LMF1: variants seen among roughly 807,000 people sequenced by gnomAD.
LMF1 encodes transmembrane protein 112.
Under a neutral mutation model 60.6 loss-of-function variants are expected in LMF1, and 68 were observed. The ratio of observed to expected loss-of-function variants is 1.12; its 90% confidence interval spans 0.92 to 1.37. The LOEUF is 1.37. Ranked by LOEUF, LMF1 falls within the 40% of genes most tolerant of loss-of-function variation. The probability of loss-of-function intolerance (pLI) is 0.00; values close to 1 mark genes in which losing one functional copy is unlikely to be tolerated. For synonymous variants in LMF1, 418 were observed against 324.7 expected (o/e 1.29, Z -3.09); for missense variants, 948 against 767.2 (o/e 1.24, Z -2.78).
At position 869,075 on chromosome 16, in the gene LMF1, C is replaced by T; in HGVS notation, c.1417-19G>A. ...CGTAGGTCTGGGAGGAGAGGTCGGG[C>T]TGGAGACGGCTGTGCCACTCGCTGT... On this transcript the variant is annotated intron_variant, in intron 9 of 10. Coordinates refer to ENST00000262301, the MANE Select transcript of LMF1 (RefSeq NM_022773.4). The T allele has an allele frequency of 6.6e-7, 1 of 1,518,804 alleles. No individual in the cohort carries two copies. Among genetic ancestry groups the T allele is most frequent in the Non-Finnish European group, 9.1e-7 (1 of 1,094,182 alleles). 94.1% of individuals were successfully genotyped at this position (1,518,804 alleles called of 1,614,324 possible).
chr16:924,524 G>T (rs569213272), intron 3 of LMF1, among the ~76,000 whole-genome samples: 1 of 152,130 alleles, frequency 6.6e-6, no homozygotes, highest in East Asian at 1.9e-4. Flanking sequence ...TGGCATTTTC[G>T]AAGCATTTCT....
chr16:924,815 G>A (rs942692215), intron 3 of LMF1, among the ~76,000 whole-genome samples: 2 of 152,240 alleles, frequency 1.3e-5, no homozygotes, highest in African/African-American at 4.8e-5. Context: ...TTAAAATTCT[G>A]ATAGATAAAA....
intron 4 of LMF1, among the ~76,000 whole-genome samples, chr16:906,659 G>A (rs563008171): frequency 3.9e-5 from 6 of 152,064 alleles, no homozygotes; most frequent in Non-Finnish European, 8.8e-5. Context: ...TCTGTCCCTC[G>A]AGGGAACCCT....
chr16:899,742 G>C (rs758222902), intron 4 of LMF1: 1 of 152,252 alleles, frequency 6.6e-6, no homozygotes. Context: ...GCAGGCTCGG[G>C]GGTGAAGCAT....
At chr16:979,118 A>G (rs1186914270) in intron 1 of LMF1, 1 of 453,386 alleles carries the variant, frequency 2.2e-6, no homozygotes, top group East Asian at 7.0e-5. Flanking sequence ...TGCCTGGCAC[A>G]CAGCAAGTGC....
At chr16:967,749 G>A (rs1234060821) in intron 1 of LMF1, among the ~76,000 whole-genome samples, 4 of 152,196 alleles carry the variant, frequency 2.6e-5, no homozygotes, top group Admixed American at 6.5e-5. Context: ...TCCAGGATAC[G>A]CAGGCTGCAC....
At chr16:917,184 G>T (rs2071301151) in intron 3 of LMF1, among the ~76,000 whole-genome samples, 1 of 152,234 alleles carries the variant, frequency 6.6e-6, no homozygotes, top group African/African-American at 2.4e-5. Context: ...TGGGGGACGG[G>T]TCACCACCAT....
chr16:964,502 G>C lies in LMF1; in HGVS notation c.193+6286C>G, dbSNP rs2151490135. ...GGATGTGCTGCAGAGCTCCGAAGTA[G>C]GGCAGTGCTGTTTGCTTTTTAAACA... On this transcript the variant is annotated intron_variant, in intron 1 of 10. Transcript: ENST00000262301. Among the ~76,000 whole-genome samples the C allele has an allele frequency of 2.6e-5, 4 of 152,266 alleles. 1 individual carries two copies. Among genetic ancestry groups the C allele is most frequent in the Admixed American group, 2.6e-4 (4 of 15,300 alleles).
chr16:975,009 G>A (rs1408252341), upstream of LMF1, among the ~76,000 whole-genome samples: 1 of 151,790 alleles, frequency 6.6e-6, no homozygotes, highest in Non-Finnish European at 1.5e-5. Flanking sequence ...TGACTGTCCA[G>A]CGGCCAACCC....
chr16:888,501 T>C (rs1333903754), intron 5 of LMF1, among the ~76,000 whole-genome samples: 2 of 151,672 alleles, frequency 1.3e-5, no homozygotes, highest in East Asian at 1.9e-4. Context: ...AAAACCCAAG[T>C]GGAGAGAGAG....
chr16:863,523 T>G (rs1225451572), intron 10 of LMF1, among the ~76,000 whole-genome samples: 1 of 152,250 alleles, frequency 6.6e-6, no homozygotes, highest in African/African-American at 2.4e-5. Context: ...TATTGGTCTT[T>G]TAAAAGAACC....
At chr16:967,662 G>A (rs775035595) in intron 1 of LMF1, among the ~76,000 whole-genome samples, 3 of 152,212 alleles carry the variant, frequency 2.0e-5, no homozygotes, top group Non-Finnish European at 4.4e-5. Context: ...AGGCATCCCC[G>A]ACCACCTCGG....
At chr16:977,778 T>C (rs1254839065) in intron 1 of LMF1, among the ~76,000 whole-genome samples, 1 of 151,822 alleles carries the variant, frequency 6.6e-6, no homozygotes, top group Admixed American at 6.6e-5. Context: ...GGCATTTCCC[T>C]GGGCAGCCCT....
chr16:867,514 C>A (rs1200642974), intron 10 of LMF1, among the ~76,000 whole-genome samples: 1 of 152,170 alleles, frequency 6.6e-6, no homozygotes, highest in Non-Finnish European at 1.5e-5. Flanking sequence ...CCGTATTGAG[C>A]CTCGAAGGAC....
intron 4 of LMF1, chr16:899,528 G>A (rs950933210): frequency 1.3e-5 from 2 of 152,212 alleles, no homozygotes; most frequent in African/African-American, 4.8e-5. Context: ...CAGGGAAACG[G>A]CAGCACATCT....
In LMF1 at chr16:870,840, A is replaced by T. The variant is rs778846872; in HGVS notation, c.1121T>A (p.Leu374Gln). Residue 374 changes from leucine to glutamine, a missense_variant, in exon 8 of 11, where the codon CTG becomes CAG. Transcript: ENST00000262301. ...CACGGGCACGCTGAGCCAGGCCAGC[A>T]GGACGCCCAGCGAGACGTTGGCTGC... ...RRAANVSLGV[L>Q]LAWLSVPVVL... The T allele has an allele frequency of 3.4e-5, 55 of 1,611,676 alleles. No individual in the cohort carries two copies. The highest frequency in any genetic ancestry group is 2.7e-4 in the South Asian group (25 of 91,090).
At chr16:955,606 G>A (rs1028226108) in intron 1 of LMF1, among the ~76,000 whole-genome samples, 6 of 152,264 alleles carry the variant, frequency 3.9e-5, no homozygotes, top group Non-Finnish European at 7.3e-5. Flanking sequence ...TGCAGCAGAC[G>A]CAGTGTGTGC....
intron 1 of LMF1, among the ~76,000 whole-genome samples, chr16:967,923 C>G (rs543979972): frequency 2.4e-4 from 37 of 151,974 alleles, no homozygotes; most frequent in African/African-American, 8.2e-4. Context: ...CTGCTCAACG[C>G]AGTAATCACA....
At chr16:879,882 C>T (rs1294235477) in intron 5 of LMF1, 145 bp from the exon 6 acceptor site, 40 of 732,404 alleles carry the variant, frequency 5.5e-5, no homozygotes, top group Non-Finnish European at 8.4e-5. Flanking sequence ...ACACGTGGAG[C>T]CCACCTGCCA....
Sources: gnomAD v4.1 joint callset for allele counts (sites outside exome capture counted in the v4.1 genomes callset) on GRCh38, gnomAD v4.1.1 for gene constraint, MANE v1.5 for transcripts, NCBI Gene and HGNC (gene_info 2026-07-23, HGNC 2026-07-21) for gene names.